Variants in SLC20A2 observed in about 807,000 individuals in gnomAD.
SLC20A2 encodes sodium-dependent phosphate transporter 2.
In SLC20A2, 30 loss-of-function variants were observed where a neutral mutation model predicts 61.0. That is an observed-to-expected ratio of 0.49 (90% CI 0.37 to 0.67). The LOEUF is 0.67. Ranked by LOEUF, SLC20A2 falls within the 30% of genes least tolerant of loss-of-function variation. The probability of loss-of-function intolerance (pLI) is 0.00; values close to 1 mark genes in which losing one functional copy is unlikely to be tolerated. For missense variants in SLC20A2, 626 were observed against 866.4 expected, an observed-to-expected ratio of 0.72 and a Z score of 3.48; for synonymous variants, 351 against 353.3, an observed-to-expected ratio of 0.99 and a Z score of 0.07.
At chr8:42,532,755 C>G (rs116780367) in intron 1 of SLC20A2, among the ~76,000 whole-genome samples, 3 of 152,102 alleles carry the variant, frequency 2.0e-5, no homozygotes, top group Non-Finnish European at 4.4e-5. Context: ...ATAAGACACA[C>G]GGGAGACCAA....
In SLC20A2 at chr8:42,472,697, A is replaced by G. The variant is rs1807738721; in HGVS notation, c.-264-43T>C. On this transcript the variant is annotated intron_variant, in intron 1 of 10. Transcript: ENST00000520262. The surrounding 1 kb of genome is among the most constrained non-coding windows in gnomAD (Gnocchi z 4.1). ...CAAAAGAAATCAATTATACTCAGCA[A>G]CCTGTAACAGTTTGTTCTTTCAGAA... is the stretch of plus-strand genomic sequence containing the variant. 3 of 284,002 alleles carry G rather than the reference A, an allele frequency of 1.1e-5. No homozygotes were observed. The highest frequency in any genetic ancestry group is 2.0e-5 in the Non-Finnish European group (3 of 149,454). The allele number at this position is 284,002 out of a possible 1,614,324, so 17.6% of individuals were successfully genotyped here. A position where few individuals can be genotyped will look rare whatever the true frequency, so the allele number is the denominator to read the frequency against.
chr8:42,538,964 G>A (rs966489070), intron 1 of SLC20A2, among the ~76,000 whole-genome samples: 5 of 152,060 alleles, frequency 3.3e-5, no homozygotes, highest in Non-Finnish European at 7.4e-5. Context: ...GGCAGATAAC[G>A]AGGTCAGGAG....
At chr8:42,538,824 T>C (rs377110744) in intron 1 of SLC20A2, among the ~76,000 whole-genome samples, 4 of 152,198 alleles carry the variant, frequency 2.6e-5, no homozygotes, top group South Asian at 2.1e-4. Flanking sequence ...GTGAAAAACA[T>C]ACAGAAATTC....
intron 1 of SLC20A2, among the ~76,000 whole-genome samples, chr8:42,482,275 A>G (rs1018306363): frequency 1.3e-5 from 2 of 152,200 alleles, no homozygotes; most frequent in Non-Finnish European, 1.5e-5. Context: ...TACATTTACA[A>G]TTCAATGAGT....
At chr8:42,469,432 T>C (rs1266851575) in intron 2 of SLC20A2, among the ~76,000 whole-genome samples, 3 of 152,162 alleles carry the variant, frequency 2.0e-5, no homozygotes, top group Non-Finnish European at 4.4e-5. Context: ...GTAAGTATCC[T>C]TCATTCTTTC....
intron 5 of SLC20A2, among the ~76,000 whole-genome samples, chr8:42,452,659 G>C (rs951651496): frequency 1.3e-5 from 2 of 151,232 alleles, no homozygotes; most frequent in African/African-American, 4.9e-5. Flanking sequence ...TAAAGAGGAG[G>C]AGACAGAGAT....
chr8:42,502,215 TTCAACCAACCCTGGA>T (rs1432087411), upstream of SLC20A2: 5 of 152,114 alleles, frequency 3.3e-5, no homozygotes, highest in African/African-American at 1.2e-4. Context: ...TTTCAACGAC[TTCAACCAACCCTGGA>T]TCACCCCATC....
intron 1 of SLC20A2, chr8:42,538,285 A>T (rs1241990894): frequency 2.0e-5 from 3 of 148,784 alleles, no homozygotes; most frequent in Non-Finnish European, 4.5e-5. Context: ...ATTATATAAT[A>T]TTATATATTA....
chr8:42,439,891 C>A (rs577148170), intron 6 of SLC20A2, among the ~76,000 whole-genome samples: 118 of 152,006 alleles, frequency 7.8e-4, no homozygotes, highest in African/African-American at 2.8e-3. Context: ...TTGAGACCAG[C>A]CTGGATAATA....
intron 1 of SLC20A2, chr8:42,541,128 T>C (rs1813098968): frequency 6.6e-6 from 1 of 152,096 alleles, no homozygotes; most frequent in Admixed American, 6.6e-5. Flanking sequence ...TGGGACAATG[T>C]ACACGACCCC....
At chr8:42,504,848 G>A (rs1480387050), upstream of SLC20A2, among the ~76,000 whole-genome samples, 13 of 20,718 alleles carry the variant, frequency 6.3e-4, no homozygotes, top group East Asian at 0.014. Context: ...GCAAGACTCC[G>A]TCTCAAAAAA....
chr8:42,457,231 C>G (rs1806284116), intron 5 of SLC20A2, among the ~76,000 whole-genome samples: 1 of 151,898 alleles, frequency 6.6e-6, no homozygotes, highest in Non-Finnish European at 1.5e-5. Context: ...CCCAGCCTCA[C>G]TTAAAAAAAA....
At chr8:42,458,799 C>T (rs1586096773) in intron 5 of SLC20A2, among the ~76,000 whole-genome samples, 1 of 151,824 alleles carries the variant, frequency 6.6e-6, no homozygotes, top group East Asian at 1.9e-4. Context: ...GTCCCAGCTA[C>T]TCGGGAGGCT....
At chr8:42,502,496 CCAT>C (rs1426006470), upstream of SLC20A2, 1 of 152,310 alleles carries the variant, frequency 6.6e-6, no homozygotes, top group Non-Finnish European at 1.5e-5. Flanking sequence ...GAGGCACTGT[CCAT>C]CTGCAGCCTG....
intron 10 of SLC20A2, among the ~76,000 whole-genome samples, chr8:42,427,203 C>T (rs1238131119): frequency 6.6e-6 from 1 of 152,076 alleles, no homozygotes; most frequent in East Asian, 1.9e-4. Flanking sequence ...ATCTCGGGCA[C>T]GTTACTTAAC....
At chr8:42,429,981 A>T in intron 9 of SLC20A2, 83 bp downstream of exon 9, 1 of 1,239,146 alleles carries the variant, frequency 8.1e-7, no homozygotes, top group Non-Finnish European at 1.1e-6. Context: ...AGTGCTGAGC[A>T]GGCCGTTCAG....
chr8:42,437,030 G>C lies in SLC20A2; in HGVS notation c.1482C>G (p.Thr494=), dbSNP rs114554453. 2.5e-6 allele frequency: 4 copies of C among 1,612,666 alleles called. No individual in the cohort carries two copies. Among genetic ancestry groups the C allele is most frequent in the Admixed American group, 3.3e-5 (2 of 59,880 alleles). The change falls in exon 8 of 11, where the codon ACC becomes ACG. Residue 494 remains threonine (T), a synonymous_variant. Transcript: ENST00000520262. This position sits in a 1 kb window ranked among gnomAD's most constrained non-coding sequence, Gnocchi z 6.4. ...CGTGAGCAAAGGACCCGAAACAGGC[G>C]GTGAGGACCTGCAGGAAATGGAACA... ...HLLFHFLQVL[T]ACFGSFAHGG...
intron 10 of SLC20A2, among the ~76,000 whole-genome samples, chr8:42,420,751 T>C (rs903305477): frequency 2.0e-5 from 3 of 152,206 alleles, no homozygotes; most frequent in Non-Finnish European, 4.4e-5. Flanking sequence ...CAGCATACCA[T>C]TTAGAGGCAT....
At chr8:42,536,776 C>A (rs1307919718) in intron 1 of SLC20A2, among the ~76,000 whole-genome samples, 1 of 152,072 alleles carries the variant, frequency 6.6e-6, no homozygotes, top group Non-Finnish European at 1.5e-5. Context: ...AAAAGTGAAT[C>A]AAGATTCTAC....
Sources: allele counts gnomAD v4.1 joint callset (sites outside exome capture counted in the v4.1 genomes callset), GRCh38; gene constraint gnomAD v4.1.1; non-coding constraint Gnocchi (gnomAD v3.1); transcripts MANE v1.5; gene names NCBI Gene and HGNC (gene_info 2026-07-23, HGNC 2026-07-21).